SORCS3: variants seen among roughly 807,000 people sequenced by gnomAD.
SORCS3 encodes the protein sortilin related VPS10 domain containing receptor 3, also known as VPS10 domain-containing receptor SorCS3.
SORCS3 carries 57 observed loss-of-function variants against 146.3 expected under a neutral mutation model. That is an observed-to-expected ratio of 0.39 (90% CI 0.31 to 0.49). The LOEUF is 0.49. Ranked by LOEUF, SORCS3 falls within the 20% of genes least tolerant of loss-of-function variation. The pLI is 0.92. For synonymous variants in SORCS3, 653 were observed against 618.5 expected (o/e 1.06, Z -0.83); for missense variants, 1,341 against 1,575.5 (o/e 0.85, Z 2.52).
intron 1 of SORCS3, among the ~76,000 whole-genome samples, chr10:104,703,370 C>T (rs1472236575): frequency 3.9e-5 from 6 of 152,176 alleles, no homozygotes; most frequent in Non-Finnish European, 7.3e-5. Context: ...TGCACAGCCT[C>T]GCCAGCATCT....
At chr10:104,642,006 A>AT in intron 1 of SORCS3, 52 bp downstream of exon 1, 1 of 56,370 alleles carries the variant, frequency 1.8e-5, no homozygotes, top group Non-Finnish European at 3.6e-5. Context: ...CCGAAGGGGA[A>AT]TGGGGGGGTG....
intron 1 of SORCS3, among the ~76,000 whole-genome samples, chr10:104,702,071 A>G (rs1027735098): frequency 6.6e-6 from 1 of 152,160 alleles, no homozygotes; most frequent in Admixed American, 6.5e-5. Flanking sequence ...CTGTGTTCCA[A>G]TAAAGCTTTA....
At chr10:105,146,316 A>G (rs1027460234) in intron 8 of SORCS3, among the ~76,000 whole-genome samples, 1 of 152,054 alleles carries the variant, frequency 6.6e-6, no homozygotes, top group African/African-American at 2.4e-5. Context: ...GTAAACTACT[A>G]GGTGTGATTT....
intron 3 of SORCS3, among the ~76,000 whole-genome samples, chr10:104,953,929 A>G (rs1056384981): frequency 2.0e-5 from 3 of 152,190 alleles, no homozygotes; most frequent in Admixed American, 1.3e-4. Flanking sequence ...CCCAGTGGGG[A>G]CTCAGCATTG....
chr10:104,893,901 T>C (rs1372671748), intron 2 of SORCS3, among the ~76,000 whole-genome samples: 1 of 152,280 alleles, frequency 6.6e-6, no homozygotes, highest in African/African-American at 2.4e-5. Flanking sequence ...TTTATGGCTC[T>C]CTCCAGCACC....
intron 1 of SORCS3, among the ~76,000 whole-genome samples, chr10:104,841,931 G>C (rs1388298699): frequency 6.6e-6 from 1 of 152,174 alleles, no homozygotes; most frequent in East Asian, 1.9e-4. Context: ...TCAGGTGCAC[G>C]CACTTAGCAT....
At chr10:105,008,009 G>A (rs1457436055) in intron 4 of SORCS3, among the ~76,000 whole-genome samples, 3 of 152,150 alleles carry the variant, frequency 2.0e-5, no homozygotes, top group African/African-American at 7.2e-5. Flanking sequence ...AGCTGCAGAG[G>A]AATGGAGAAG....
At chr10:105,031,733 A>G (rs538184916) in intron 4 of SORCS3, among the ~76,000 whole-genome samples, 13 of 152,352 alleles carry the variant, frequency 8.5e-5, no homozygotes, top group African/African-American at 1.9e-4. Flanking sequence ...CCAATGCTAC[A>G]TGGAAGAATG....
intron 4 of SORCS3, among the ~76,000 whole-genome samples, chr10:105,008,917 G>A (rs965392273): frequency 6.6e-6 from 1 of 152,190 alleles, no homozygotes; most frequent in African/African-American, 2.4e-5. Context: ...AAAGTGCTGC[G>A]ATTACAGGCA....
chr10:104,742,475 A>G (rs2016859806), intron 1 of SORCS3, among the ~76,000 whole-genome samples: 1 of 152,136 alleles, frequency 6.6e-6, no homozygotes, highest in South Asian at 2.1e-4. Flanking sequence ...AGTGACCTCT[A>G]AGGAGCTTGG....
chr10:105,106,881 C>T (rs947191891), intron 7 of SORCS3, among the ~76,000 whole-genome samples: 3 of 152,180 alleles, frequency 2.0e-5, no homozygotes, highest in African/African-American at 4.8e-5. Flanking sequence ...TGAACACATA[C>T]ATTGCAAAAT....
chr10:104,692,462 T>C (rs1160738905), intron 1 of SORCS3, among the ~76,000 whole-genome samples: 1 of 152,190 alleles, frequency 6.6e-6, no homozygotes, highest in African/African-American at 2.4e-5. Flanking sequence ...TTACTTTCAA[T>C]GGCAAAAACT....
chr10:104,963,188 C>G (rs59262096), intron 3 of SORCS3, among the ~76,000 whole-genome samples: 13,458 of 152,198 alleles, frequency 0.088, 726 homozygotes, highest in African/African-American at 0.17. Context: ...TGCTAGAAGA[C>G]AATTTACAGG....
intron 16 of SORCS3, among the ~76,000 whole-genome samples, chr10:105,202,648 T>A (rs1207424423): frequency 6.6e-6 from 1 of 152,058 alleles, no homozygotes; most frequent in Non-Finnish European, 1.5e-5. Flanking sequence ...AATGCAGGAG[T>A]TTTAGACTTT....
At chr10:104,860,863 C>G (rs372952745) in intron 2 of SORCS3, among the ~76,000 whole-genome samples, 11 of 152,274 alleles carry the variant, frequency 7.2e-5, no homozygotes, top group African/African-American at 2.6e-4. Flanking sequence ...GCGCTTGACC[C>G]TCTGCAAGAT....
chr10:104,994,064 A>G (rs2133665593), intron 4 of SORCS3, among the ~76,000 whole-genome samples: 1 of 152,290 alleles, frequency 6.6e-6, no homozygotes, highest in Non-Finnish European at 1.5e-5. Context: ...GAGTATCAGT[A>G]CCCTACTGTC....
At chr10:105,209,899 G>A (rs1446035529) in intron 16 of SORCS3, among the ~76,000 whole-genome samples, 6 of 152,102 alleles carry the variant, frequency 3.9e-5, no homozygotes, top group African/African-American at 1.2e-4. Context: ...GTGCTGTGTT[G>A]CATATGGTTT....
At chr10:105,246,915 A>G (rs958385657) in intron 21 of SORCS3, among the ~76,000 whole-genome samples, 6 of 152,236 alleles carry the variant, frequency 3.9e-5, no homozygotes, top group African/African-American at 1.4e-4. Context: ...GGTACCACCT[A>G]CAGTAGCAGA....
chr10:104,879,389 C>T (rs557051746), intron 2 of SORCS3, among the ~76,000 whole-genome samples: 18 of 152,268 alleles, frequency 1.2e-4, no homozygotes, highest in Admixed American at 1.1e-3. Flanking sequence ...CACCTCACCA[C>T]TCTCTGACCC....
Sources: gnomAD v4.1 joint callset for allele counts (sites outside exome capture counted in the v4.1 genomes callset) on GRCh38, gnomAD v4.1.1 for gene constraint, MANE v1.5 for transcripts, NCBI Gene and HGNC (gene_info 2026-07-23, HGNC 2026-07-21) for gene names.